The following DTNB variants were observed in gnomAD, a reference collection of about 807,000 sequenced individuals.
DTNB encodes the protein dystrobrevin beta.
DTNB carries 63 observed loss-of-function variants against 90.7 expected under a neutral mutation model. The ratio of observed to expected loss-of-function variants is 0.69; its 90% confidence interval spans 0.57 to 0.86. The LOEUF (loss-of-function observed/expected upper bound fraction) is 0.86. Ranked by LOEUF, DTNB falls within the 40% of genes least tolerant of loss-of-function variation. DTNB has a pLI of 0.00. For synonymous variants in DTNB, 277 were observed against 286.7 expected (o/e 0.97, Z 0.34); for missense variants, 744 against 807.1 (o/e 0.92, Z 0.95).
rs114927918 is a variant in DTNB, at chr2:25,611,658, T to C, written c.363-4337A>G. On this transcript the variant is annotated intron_variant, in intron 4 of 20. Coordinates refer to ENST00000406818, the MANE Select transcript of DTNB (RefSeq NM_021907.5). ...GGAAATGCCTTCAAGAAGAAGTCCG[T>C]CCTTAGGATCCTATCGACTTCTAAA... 7.0e-3 allele frequency among the ~76,000 whole-genome samples: 1,060 copies of C among 152,194 alleles called. 14 individuals are homozygous for C. The highest frequency in any genetic ancestry group is 0.025 in the African/African-American group (1,024 of 41,506).
At chr2:25,568,759 C>G (rs73922426) in intron 8 of DTNB, among the ~76,000 whole-genome samples, 2 of 152,130 alleles carry the variant, frequency 1.3e-5, no homozygotes, top group Non-Finnish European at 2.9e-5. Flanking sequence ...AATGTCTCCA[C>G]CACACAGGCA....
chr2:25,465,461 C>T (rs1574818977), intron 10 of DTNB, among the ~76,000 whole-genome samples: 1 of 152,016 alleles, frequency 6.6e-6, no homozygotes, highest in African/African-American at 2.4e-5. Flanking sequence ...TTTCTTTAAG[C>T]CTAAAACTAT....
At chr2:25,550,528 A>G (rs1218625541) in intron 8 of DTNB, among the ~76,000 whole-genome samples, 1 of 152,220 alleles carries the variant, frequency 6.6e-6, no homozygotes, top group Non-Finnish European at 1.5e-5. Flanking sequence ...GTGTTTCCTA[A>G]GAATTTCTCT....
intron 4 of DTNB, among the ~76,000 whole-genome samples, chr2:25,608,193 A>G (rs1207216322): frequency 6.6e-6 from 1 of 152,218 alleles, no homozygotes; most frequent in African/African-American, 2.4e-5. Flanking sequence ...AACTTAGAGT[A>G]AAACACTTTT....
intron 6 of DTNB, among the ~76,000 whole-genome samples, chr2:25,590,083 C>A (rs535588514): frequency 6.6e-6 from 1 of 152,320 alleles, no homozygotes; most frequent in Admixed American, 6.5e-5. Flanking sequence ...ACAGCTGGCA[C>A]CAGCAAACAC....
chr2:25,662,673 C>A (rs868866097), intron 1 of DTNB, among the ~76,000 whole-genome samples: 3 of 72,844 alleles, frequency 4.1e-5, no homozygotes, highest in African/African-American at 3.7e-5. Flanking sequence ...CACACACACA[C>A]ACACACAAAC....
intron 10 of DTNB, among the ~76,000 whole-genome samples, chr2:25,475,903 A>T (rs1262079461): frequency 2.6e-5 from 4 of 152,128 alleles, no homozygotes; most frequent in Non-Finnish European, 5.9e-5. Flanking sequence ...TACTGTTGAG[A>T]CCTACTGTTC....
At chr2:25,393,194 A>T (rs1187726882) in intron 16 of DTNB, among the ~76,000 whole-genome samples, 3 of 152,242 alleles carry the variant, frequency 2.0e-5, no homozygotes, top group Non-Finnish European at 4.4e-5. Flanking sequence ...CTTTATGACT[A>T]AAACCCTCAG....
chr2:25,535,810 G>A (rs1202426919), intron 8 of DTNB, among the ~76,000 whole-genome samples: 1 of 142,052 alleles, frequency 7.0e-6, no homozygotes, highest in African/African-American at 2.7e-5. Context: ...AGGGCAGCCG[G>A]GCAGAGGTGC....
intron 16 of DTNB, among the ~76,000 whole-genome samples, chr2:25,400,374 G>A (rs1448979868): frequency 6.6e-6 from 1 of 152,238 alleles, no homozygotes; most frequent in Admixed American, 6.5e-5. Context: ...TGGGCTTTAT[G>A]TTCAGAGAGG....
intron 4 of DTNB, among the ~76,000 whole-genome samples, chr2:25,616,749 G>A (rs1322613377): frequency 4.0e-5 from 6 of 151,054 alleles, no homozygotes. Flanking sequence ...TGGCTAACAC[G>A]GTGAAACCCC....
chr2:25,451,593 A>T lies in DTNB; in HGVS notation c.1212T>A (p.Leu404=), dbSNP rs780686724. Residue 404 remains leucine (L), a synonymous_variant, in exon 12 of 21, where the codon CTT becomes CTA. Transcript: ENST00000406818. ...SPSRLDEEHR[L]IARYAARLAA... is the part of the protein sequence containing the mutation. ...CCAGCCGGGCAGCATAGCGAGCTAT[A>T]AGACGGTGTTCCTCATCCAGTCGGC... 7.5e-6 allele frequency: 12 copies of T among 1,608,346 alleles called. No homozygotes were observed. The Admixed American group carries it at 8.4e-5, about 11-fold the overall frequency.
intron 12 of DTNB, among the ~76,000 whole-genome samples, chr2:25,449,947 A>T (rs1237753387): frequency 2.0e-5 from 3 of 151,888 alleles, no homozygotes; most frequent in African/African-American, 7.3e-5. Context: ...TATTTTTAGT[A>T]GATATGGGGT....
intron 16 of DTNB, among the ~76,000 whole-genome samples, chr2:25,401,004 C>T (rs961055412): frequency 6.6e-5 from 10 of 152,154 alleles, no homozygotes; most frequent in Admixed American, 2.0e-4. Context: ...ATTACAAAAT[C>T]AGAGGGTTCA....
At position 25,531,617 on chromosome 2, in the gene DTNB, A is replaced by T. The variant is rs777069181; in HGVS notation, c.877-20T>A. On this transcript the variant is annotated intron_variant, in intron 8 of 20. Transcript: ENST00000406818. ...AGATTTCTGTGTCAAAGCAGAAAAT[A>T]GTAAGGAATTAACCCTTCAAAAGAA... is the stretch of plus-strand genomic sequence containing the variant. 2 of 1,612,276 alleles carry T rather than the reference A, an allele frequency of 1.2e-6. No individual in the cohort carries two copies. The highest frequency in any genetic ancestry group is 3.4e-5 in the Admixed American group (2 of 59,460).
chr2:25,579,787 T>C (rs1276917397), intron 7 of DTNB, among the ~76,000 whole-genome samples: 1 of 152,130 alleles, frequency 6.6e-6, no homozygotes, highest in East Asian at 1.9e-4. Context: ...AAAATAATTA[T>C]AGTTTTAGCA....
chr2:25,580,161 T>C (rs962674041), intron 7 of DTNB, among the ~76,000 whole-genome samples: 3 of 151,848 alleles, frequency 2.0e-5, no homozygotes, highest in African/African-American at 7.3e-5. Context: ...TTTGTATTTT[T>C]AGTAGAAACA....
At chr2:25,514,681 CTTTT>C (rs560287104) in intron 9 of DTNB, among the ~76,000 whole-genome samples, 2 of 98,876 alleles carry the variant, frequency 2.0e-5, no homozygotes. Context: ...TGAAAAAAAT[CTTTT>C]TTTTTTTTTT....
At chr2:25,635,179 T>C (rs1573812110) in intron 3 of DTNB, among the ~76,000 whole-genome samples, 1 of 151,702 alleles carries the variant, frequency 6.6e-6, no homozygotes, top group African/African-American at 2.4e-5. Flanking sequence ...ACATCTGTAA[T>C]CCCAGCACTT....
Sources: gnomAD v4.1 joint callset for allele counts (sites outside exome capture counted in the v4.1 genomes callset) on GRCh38, gnomAD v4.1.1 for gene constraint, MANE v1.5 for transcripts, NCBI Gene and HGNC (gene_info 2026-07-23, HGNC 2026-07-21) for gene names.